TRPC4AP: variants seen among roughly 807,000 people sequenced by gnomAD.
TRPC4AP encodes the protein transient receptor potential cation channel subfamily C member 4 associated protein.
TRPC4AP carries 45 observed loss-of-function variants against 99.0 expected under a neutral mutation model. That is an observed-to-expected ratio of 0.45 (90% CI 0.36 to 0.58). The LOEUF is 0.58. TRPC4AP is among the 20% of genes least tolerant of loss of function. TRPC4AP has a pLI of 0.00. For synonymous variants in TRPC4AP, 408 were observed against 385.8 expected (o/e 1.06, Z -0.67); for missense variants, 879 against 985.3 (o/e 0.89, Z 1.44).
rs775280311 is a variant in TRPC4AP, at chr20:35,004,513, T to C, written c.1994A>G (p.Gln665Arg). 1.8e-5 allele frequency: 29 copies of C among 1,614,018 alleles called. No individual in the cohort carries two copies. Among genetic ancestry groups the C allele is most frequent in the Non-Finnish European group, 1.7e-5 (20 of 1,179,994 alleles). The change falls in exon 17 of 19, where the codon CAG becomes CGG. Residue 665 changes from glutamine (Q) to arginine (R), a missense_variant. By Grantham distance (43) the Gln-to-Arg change is conservative. Transcript: ENST00000252015. ...GATGAGGCGGAAGAGGAAGGACATC[T>C]GCGTGGGCACCTGGGATATGTAGGC... ...LLAYISQVPT[Q>R]MSFLFRLINI...
intron 6 of TRPC4AP, among the ~76,000 whole-genome samples, chr20:35,046,308 T>C (rs1339849301): frequency 6.6e-6 from 1 of 152,188 alleles, no homozygotes; most frequent in East Asian, 1.9e-4. Context: ...CACTCATTAC[T>C]CCTTAAAATC....
chr20:35,072,011 T>C (rs932679857), intron 2 of TRPC4AP, among the ~76,000 whole-genome samples: 1 of 152,262 alleles, frequency 6.6e-6, no homozygotes, highest in African/African-American at 2.4e-5. Context: ...ATTGTGGTTT[T>C]GATTTGCATT....
At chr20:35,031,712 C>G (rs1438485467) in intron 8 of TRPC4AP, among the ~76,000 whole-genome samples, 1 of 151,982 alleles carries the variant, frequency 6.6e-6, no homozygotes, top group Non-Finnish European at 1.5e-5. Context: ...TTATGCATAT[C>G]TTGGTGTGCT....
chr20:35,056,416 A>G (rs746068657), intron 4 of TRPC4AP, among the ~76,000 whole-genome samples: 33 of 152,320 alleles, frequency 2.2e-4, no homozygotes, highest in Admixed American at 3.3e-4. Flanking sequence ...ACAAATAATT[A>G]CAATATGCTA....
intron 3 of TRPC4AP, among the ~76,000 whole-genome samples, chr20:35,060,675 G>GGTTCAACA (rs1316155900): frequency 6.6e-6 from 1 of 150,718 alleles, no homozygotes. Flanking sequence ...ATGTAAGGTT[G>GGTTCAACA]GTTCAACATA....
At chr20:35,059,770 GAAGACA>G (rs773218290) in intron 3 of TRPC4AP, among the ~76,000 whole-genome samples, 1 of 140,618 alleles carries the variant, frequency 7.1e-6, no homozygotes, top group Non-Finnish European at 1.5e-5. Flanking sequence ...AGAAGACGAC[GAAGACA>G]AAGAAGATGA....
intron 3 of TRPC4AP, among the ~76,000 whole-genome samples, chr20:35,067,314 A>C (rs1376756712): frequency 6.6e-6 from 1 of 152,234 alleles, no homozygotes; most frequent in African/African-American, 2.4e-5. Context: ...GCAAAACGCC[A>C]TCTCAGTACT....
intron 3 of TRPC4AP, among the ~76,000 whole-genome samples, chr20:35,059,893 AGAT>A (rs111798362): frequency 2.8e-5 from 4 of 141,652 alleles, no homozygotes; most frequent in African/African-American, 1.0e-4. Context: ...ACAAAGATGA[AGAT>A]GAAGAAGACG....
chr20:35,056,925 GC>G lies in TRPC4AP; in HGVS notation c.472+588del, dbSNP rs371062748. On this transcript the variant is annotated intron_variant, in intron 4 of 18. Coordinates refer to ENST00000252015, the MANE Select transcript of TRPC4AP (RefSeq NM_015638.3). ...CACTTGAGCTCAGGAGGCGGAGGTTGCAGTGAGCCAAGATCATGCCACTGCA... is the reference window on the plus strand; with the variant it reads ...CACTTGAGCTCAGGAGGCGGAGGTTGAGTGAGCCAAGATCATGCCACTGCA... Among the ~76,000 whole-genome samples the G allele has an allele frequency of 4.0e-4, 52 of 130,724 alleles. No individual in the cohort carries two copies. In the South Asian group the frequency reaches 5.1e-3, roughly 13 times the overall value. The allele number at this position is 130,724 out of a possible 152,430, so 85.8% of individuals were successfully genotyped here. A position where few individuals can be genotyped will look rare whatever the true frequency, so the allele number is the denominator to read the frequency against.
chr20:35,006,636 G>A (rs1164484307), intron 14 of TRPC4AP, 61 bp from the exon 15 acceptor site: 1 of 1,588,936 alleles, frequency 6.3e-7, no homozygotes, highest in Non-Finnish European at 8.6e-7. Flanking sequence ...GGCCTGGCAT[G>A]GAGCTCAGAC....
At chr20:35,073,832 T>G (rs919115483) in intron 2 of TRPC4AP, among the ~76,000 whole-genome samples, 2 of 152,208 alleles carry the variant, frequency 1.3e-5, no homozygotes, top group Non-Finnish European at 2.9e-5. Flanking sequence ...TGGAATAGCT[T>G]CAGAAGGAAT....
intron 1 of TRPC4AP, among the ~76,000 whole-genome samples, chr20:35,083,030 T>C (rs537315600): frequency 8.8e-4 from 134 of 152,274 alleles, no homozygotes; most frequent in African/African-American, 2.8e-3. Flanking sequence ...GCAAGATATA[T>C]AGAAGACATA....
At chr20:35,031,563 A>C (rs554461939) in intron 8 of TRPC4AP, among the ~76,000 whole-genome samples, 1 of 151,802 alleles carries the variant, frequency 6.6e-6, no homozygotes, top group South Asian at 2.1e-4. Flanking sequence ...ATGTGTCTGC[A>C]TGTGGATCTG....
intron 6 of TRPC4AP, 130 bp downstream of exon 6, chr20:35,049,736 T>G: frequency 9.1e-7 from 1 of 1,100,430 alleles, no homozygotes. Context: ...GTTTTATACT[T>G]GAATACATCT....
intron 14 of TRPC4AP, 68 bp downstream of exon 14, chr20:35,007,482 G>T: frequency 6.7e-7 from 1 of 1,503,042 alleles, no homozygotes; most frequent in Non-Finnish European, 9.2e-7. Context: ...TGGGGCTCAG[G>T]ACAGGACACA....
chr20:35,084,570 G>A (rs1286159485), intron 1 of TRPC4AP, among the ~76,000 whole-genome samples: 1 of 137,488 alleles, frequency 7.3e-6, no homozygotes, highest in Non-Finnish European at 1.6e-5. Flanking sequence ...GCATATATGT[G>A]TATATGTATA....
intron 10 of TRPC4AP, among the ~76,000 whole-genome samples, chr20:35,013,578 A>G (rs552390024): frequency 2.2e-3 from 329 of 152,334 alleles, no homozygotes; most frequent in Non-Finnish European, 3.1e-3. Context: ...ACTCTGTCCC[A>G]AAAATCCAAC....
intron 3 of TRPC4AP, among the ~76,000 whole-genome samples, chr20:35,059,968 C>G (rs2083953435): frequency 6.6e-6 from 1 of 151,836 alleles, no homozygotes; most frequent in Admixed American, 6.6e-5. Context: ...ATCTGAACAG[C>G]CCTATAACAA....
intron 8 of TRPC4AP, 86 bp from the exon 9 acceptor site, chr20:35,021,442 T>C (rs987061039): frequency 1.5e-5 from 22 of 1,454,674 alleles, no homozygotes; most frequent in Admixed American, 2.1e-5. Flanking sequence ...AACAGACTTG[T>C]AGCATGGCCA....
Sources: allele counts gnomAD v4.1 joint callset (sites outside exome capture counted in the v4.1 genomes callset), GRCh38; gene constraint gnomAD v4.1.1; transcripts MANE v1.5; gene names NCBI Gene and HGNC (gene_info 2026-07-23, HGNC 2026-07-21).